Variants in CAND1 observed in about 807,000 individuals in gnomAD.
The protein encoded by CAND1 is cullin-associated NEDD8-dissociated protein 1.
CAND1 carries 7 observed loss-of-function variants against 108.5 expected under a neutral mutation model. That is an observed-to-expected ratio of 0.06 (90% CI 0.04 to 0.12). The LOEUF (loss-of-function observed/expected upper bound fraction) is 0.12. Ranked by LOEUF, CAND1 falls within the 10% of genes least tolerant of loss-of-function variation. CAND1 has a pLI of 1.00. For missense variants in CAND1, 941 were observed against 1,448.7 expected (o/e 0.65, Z 5.69); for synonymous variants, 534 against 512.0 (o/e 1.04, Z -0.58).
chr12:67,311,651 AATG>A (rs1565731216), intron 13 of CAND1, 39 bp from the exon 14 acceptor site: 2 of 1,142,472 alleles, frequency 1.8e-6, no homozygotes, highest in Admixed American at 4.1e-5. Context: ...GTTTTTAGAA[AATG>A]ATGTCAAATC....
chr12:67,292,522 T>C (rs899597997), intron 2 of CAND1, 100 bp from the exon 3 acceptor site: 5 of 777,230 alleles, frequency 6.4e-6, no homozygotes, highest in Admixed American at 3.3e-5. Flanking sequence ...ATACTTTATC[T>C]TGAAAGTTCT....
rs61481589 is a variant in CAND1, at chr12:67,317,473, ATTTTTTTTTT to A, written c.*4657_*4666del. The A allele has an allele frequency of 1.1e-5, 1 of 88,218 alleles. No homozygotes were observed. Among genetic ancestry groups the A allele is most frequent in the African/African-American group, 5.4e-5 (1 of 18,420 alleles). The allele number at this position is 88,218 out of a possible 1,614,324, so 5.5% of individuals were successfully genotyped here. A position where few individuals can be genotyped will look rare whatever the true frequency, so the allele number is the denominator to read the frequency against. Reference sequence around the variant, plus strand: ...CTTTTTTCTTTTTTTTTCTTTCTTAATTTTTTTTTTTTTTTTTTTTTTTGAGATTGATGGA... The same window carrying A: ...CTTTTTTCTTTTTTTTTCTTTCTTAATTTTTTTTTTTTTGAGATTGATGGA... On this transcript the variant is annotated 3_prime_UTR_variant, in exon 15 of 15. Transcript: ENST00000545606.
Position 67,313,430 on chromosome 12 carries a change from G to A in CAND1, c.*600G>A, listed in dbSNP as rs1248677673. On this transcript the variant is annotated 3_prime_UTR_variant, in exon 15 of 15. Transcript: ENST00000545606. Reference sequence around the variant, plus strand: ...TGTTGCGCACACTAATTTTGCATGAGTAAGTTTACAAATATGTATCGTCTG... The same window carrying A: ...TGTTGCGCACACTAATTTTGCATGAATAAGTTTACAAATATGTATCGTCTG... 6.6e-6 allele frequency: 1 copy of A among 152,582 alleles called. No homozygotes were observed. Among genetic ancestry groups the A allele is most frequent in the African/African-American group, 2.4e-5 (1 of 41,442 alleles). The allele number at this position is 152,582 out of a possible 1,614,324, so 9.5% of individuals were successfully genotyped here.
rs936702376 is a variant in CAND1, at chr12:67,319,202, T to C, written c.*6372T>C. ...ACCATTTCATCTTTGCACTACATCC[T>C]TCACTGTCTCTCTTTTGCCCATAGG... On this transcript the variant is annotated 3_prime_UTR_variant, in exon 15 of 15. Transcript: ENST00000545606. 2.0e-5 allele frequency: 3 copies of C among 152,240 alleles called. No individual in the cohort carries two copies. The highest frequency in any genetic ancestry group is 7.2e-5 in the African/African-American group (3 of 41,446). The allele number at this position is 152,240 out of a possible 1,614,324, so 9.4% of individuals were successfully genotyped here. A position where few individuals can be genotyped will look rare whatever the true frequency, so the allele number is the denominator to read the frequency against.
intron 2 of CAND1, among the ~76,000 whole-genome samples, chr12:67,287,772 T>C (rs1257266707): frequency 6.6e-6 from 1 of 152,046 alleles, no homozygotes; most frequent in African/African-American, 2.4e-5. Flanking sequence ...AGGTATATAT[T>C]TTCCTCTAAG....
chr12:67,307,542 C>A, intron 11 of CAND1, 50 bp downstream of exon 11: 1 of 1,178,780 alleles, frequency 8.5e-7, no homozygotes, highest in Non-Finnish European at 1.2e-6. Flanking sequence ...TTAGAATTCT[C>A]AAGAAACTCT....
rs753205983 is a variant in CAND1, at chr12:67,305,897, A to T, written c.2229A>T (p.Arg743Ser). ...SILNELIGLV[R>S]SPLLQGGALS... Reference sequence around the variant, plus strand: ...TCAATGAACTTATTGGACTTGTGAGATCACCCTTATTGCAGGGGGGAGCTC... The same window carrying T: ...TCAATGAACTTATTGGACTTGTGAGTTCACCCTTATTGCAGGGGGGAGCTC... The change falls in exon 10 of 15, where the codon AGA becomes AGT. Residue 743 changes from arginine to serine, a missense_variant. Transcript: ENST00000545606. The surrounding 1 kb of genome is among the most constrained non-coding windows in gnomAD (Gnocchi z 4.4). 1 of 1,614,076 alleles carries T rather than the reference A, an allele frequency of 6.2e-7. No homozygotes were observed. Among genetic ancestry groups the T allele is most frequent in the Non-Finnish European group, 8.5e-7 (1 of 1,179,934 alleles).
chr12:67,271,815 A>G (rs1028634546), intron 1 of CAND1, among the ~76,000 whole-genome samples: 4 of 152,234 alleles, frequency 2.6e-5, no homozygotes, highest in Non-Finnish European at 5.9e-5. Context: ...CATCATTAAG[A>G]TATTTTTATC....
At chr12:67,281,674 G>C (rs930856327) in intron 1 of CAND1, among the ~76,000 whole-genome samples, 1 of 152,126 alleles carries the variant, frequency 6.6e-6, no homozygotes, top group African/African-American at 2.4e-5. Flanking sequence ...AAGCATATCA[G>C]TACTTAAAAA....
chr12:67,269,626 G>C lies in CAND1; in HGVS notation c.-92G>C, dbSNP rs931115711. On this transcript the variant is annotated 5_prime_UTR_variant, in exon 1 of 15. Coordinates refer to ENST00000545606, the MANE Select transcript of CAND1 (RefSeq NM_018448.5). The stretch of plus-strand genomic sequence containing the variant: ...CCTGGAAGCGGGAGCCGCCGCGAGC[G>C]AGAGGAGGAGCTCCAGTGGCGGCGG... 2.1e-5 allele frequency: 24 copies of C among 1,133,308 alleles called. 1 individual carries two copies. In the African/African-American group the frequency reaches 3.7e-4, roughly 18 times the overall value. 70.2% of individuals were successfully genotyped at this position (1,133,308 alleles called of 1,614,324 possible). A position where few individuals can be genotyped will look rare whatever the true frequency, so the allele number is the denominator to read the frequency against.
In CAND1 at chr12:67,305,042, T is replaced by A. The variant is rs1418840757; in HGVS notation, c.1436-62T>A. 7.0e-7 allele frequency: 1 copy of A among 1,435,734 alleles called. No homozygotes were observed. Among genetic ancestry groups the A allele is most frequent in the Non-Finnish European group, 9.4e-7 (1 of 1,061,370 alleles). 88.9% of individuals were successfully genotyped at this position (1,435,734 alleles called of 1,614,324 possible). ...CATTAGCAGTACTATAGGGGTTGATTTTTAATTTTTCTTTCTTAAAAGTCT... is the reference window on the plus strand; with the variant it reads ...CATTAGCAGTACTATAGGGGTTGATATTTAATTTTTCTTTCTTAAAAGTCT... On this transcript the variant is annotated intron_variant, in intron 9 of 14. Coordinates refer to ENST00000545606, the MANE Select transcript of CAND1 (RefSeq NM_018448.5). This position sits in a 1 kb window ranked among gnomAD's most constrained non-coding sequence, Gnocchi z 4.4.
At chr12:67,285,725 G>A (rs1697232) in intron 2 of CAND1, among the ~76,000 whole-genome samples, 74,533 of 151,990 alleles carry the variant, frequency 0.49, 19,584 homozygotes, top group Non-Finnish European at 0.59. Context: ...TATTATTCAC[G>A]TTTTATTTAC....
rs755273139 is a variant in CAND1 at position 67,292,688 on chromosome 12, T to C, written c.279T>C (p.Thr93=). 1.9e-6 allele frequency: 3 copies of C among 1,613,614 alleles called. No homozygotes were observed. Among genetic ancestry groups the C allele is most frequent in the Non-Finnish European group, 2.5e-6 (3 of 1,179,596 alleles). Reference sequence around the variant, plus strand: ...AGACAATTGTAGATACCCTCTGCACTAACATGCTTTCTGATAAAGAACAAC... The same window carrying C: ...AGACAATTGTAGATACCCTCTGCACCAACATGCTTTCTGATAAAGAACAAC... ...QVETIVDTLC[T]NMLSDKEQLR... is the part of the protein sequence containing the mutation. Residue 93 remains threonine, a synonymous_variant, in exon 3 of 15, where the codon ACT becomes ACC. Transcript: ENST00000545606.
intron 7 of CAND1, among the ~76,000 whole-genome samples, chr12:67,300,705 T>C (rs2044816571): frequency 6.6e-6 from 1 of 152,188 alleles, no homozygotes; most frequent in Non-Finnish European, 1.5e-5. Flanking sequence ...ATAAGTTTCA[T>C]GAAGGCTAGA....
intron 1 of CAND1, among the ~76,000 whole-genome samples, chr12:67,276,781 A>G (rs2044573807): frequency 6.6e-6 from 1 of 152,212 alleles, no homozygotes; most frequent in Non-Finnish European, 1.5e-5. Context: ...TTTAGTTATG[A>G]GTCTCAGATA....
chr12:67,297,175 A>C (rs546734880), intron 4 of CAND1: 1 of 586,838 alleles, frequency 1.7e-6, no homozygotes, highest in Non-Finnish European at 3.0e-6. Context: ...ATTTAGGTCT[A>C]GATTCCCGGA....
chr12:67,307,557 C>A, intron 11 of CAND1, 65 bp downstream of exon 11: 2 of 953,196 alleles, frequency 2.1e-6, no homozygotes, highest in Admixed American at 2.1e-5. Flanking sequence ...AACTCTTGAA[C>A]TTAGTAACTA....
At chr12:67,296,097 TAGGAA>T (rs1402005994) in intron 4 of CAND1, among the ~76,000 whole-genome samples, 1 of 152,130 alleles carries the variant, frequency 6.6e-6, no homozygotes, top group Non-Finnish European at 1.5e-5. Context: ...AGAAAAGCAG[TAGGAA>T]ATCATTCTGA....
intron 11 of CAND1, among the ~76,000 whole-genome samples, chr12:67,307,899 A>G (rs1038696566): frequency 6.6e-6 from 1 of 151,992 alleles, no homozygotes; most frequent in Non-Finnish European, 1.5e-5. Context: ...CTAACACCCA[A>G]GGAGATCTAT....
Sources: allele counts gnomAD v4.1 joint callset (sites outside exome capture counted in the v4.1 genomes callset), GRCh38; gene constraint gnomAD v4.1.1; non-coding constraint Gnocchi (gnomAD v3.1); transcripts MANE v1.5; gene names NCBI Gene and HGNC (gene_info 2026-07-23, HGNC 2026-07-21).